TXK: variants seen among roughly 807,000 people sequenced by gnomAD.
The protein encoded by TXK is TXK tyrosine kinase.
TXK carries 60 observed loss-of-function variants against 81.0 expected under a neutral mutation model. The ratio of observed to expected loss-of-function variants is 0.74; its 90% CI spans 0.60 to 0.92. The LOEUF (loss-of-function observed/expected upper bound fraction) is 0.92, where lower values mean the gene tolerates loss of function less well. Among genes scored for constraint, TXK ranks in the 40% least tolerant of loss-of-function variants. The pLI, the probability that TXK is intolerant of heterozygous loss-of-function variation, is 0.00. For missense variants in TXK, 581 were observed against 638.3 expected (o/e 0.91, Z 0.97); for synonymous variants, 203 against 210.7 (o/e 0.96, Z 0.32).
At chr4:48,121,742 A>G (rs1297751037) in intron 1 of TXK, among the ~76,000 whole-genome samples, 1 of 151,906 alleles carries the variant, frequency 6.6e-6, no homozygotes, top group Non-Finnish European at 1.5e-5. Context: ...TTTTTTTCAA[A>G]TATTTTTGTT....
intron 5 of TXK, among the ~76,000 whole-genome samples, chr4:48,105,533 A>G (rs914762147): frequency 2.6e-5 from 4 of 152,172 alleles, no homozygotes; most frequent in African/African-American, 9.7e-5. Context: ...CAAAGCAGGG[A>G]GGATGGAAGT....
At chr4:48,125,757 G>A (rs990810696) in intron 1 of TXK, among the ~76,000 whole-genome samples, 2 of 152,246 alleles carry the variant, frequency 1.3e-5, no homozygotes, top group Non-Finnish European at 2.9e-5. Context: ...TTAAGGAACT[G>A]GCTCAGGCAG....
chr4:48,086,425 G>A (rs1385680740), intron 10 of TXK, 41 bp downstream of exon 10: 47 of 1,600,366 alleles, frequency 2.9e-5, no homozygotes, highest in East Asian at 6.7e-5. Context: ...CATGACACCA[G>A]GGCATGGTAT....
intron 8 of TXK, among the ~76,000 whole-genome samples, chr4:48,091,041 A>G (rs1013904799): frequency 6.6e-6 from 1 of 152,246 alleles, no homozygotes; most frequent in Non-Finnish European, 1.5e-5. Context: ...GATGAGTAAG[A>G]TGAGGACTCT....
Position 48,089,565 on chromosome 4 carries a change from T to A in TXK, c.784+185A>T, listed in dbSNP as rs192384468. ...ACCACCAAACCCGGCTAATTTTTTG[T>A]ATTTTTAGTAGAGACGGGGTATCAC... On this transcript the variant is annotated intron_variant, in intron 9 of 14. Coordinates refer to ENST00000264316, the MANE Select transcript of TXK (RefSeq NM_003328.3). 1.7e-4 allele frequency: 73 copies of A among 426,284 alleles called. No homozygotes were observed. In the Admixed American group the frequency reaches 2.3e-3, roughly 14 times the overall value. 26.4% of individuals were successfully genotyped at this position (426,284 alleles called of 1,614,324 possible).
At chr4:48,099,458 C>A (rs1415847160) in intron 6 of TXK, among the ~76,000 whole-genome samples, 1 of 152,050 alleles carries the variant, frequency 6.6e-6, no homozygotes, top group Non-Finnish European at 1.5e-5. Flanking sequence ...GGTTCTAGAA[C>A]AAATGGATCC....
intron 14 of TXK, among the ~76,000 whole-genome samples, chr4:48,069,848 T>C (rs1716768297): frequency 6.6e-6 from 1 of 152,204 alleles, no homozygotes; most frequent in African/African-American, 2.4e-5. Flanking sequence ...CAACATATAC[T>C]TCTGAGCTAC....
intron 13 of TXK, among the ~76,000 whole-genome samples, 178 bp downstream of exon 13, chr4:48,073,757 G>A (rs1316248989): frequency 1.3e-5 from 2 of 152,190 alleles, no homozygotes; most frequent in African/African-American, 4.8e-5. Context: ...TATGTAAGAA[G>A]GTATGTGACA....
chr4:48,073,204 G>C (rs1221219868), intron 13 of TXK, among the ~76,000 whole-genome samples: 1 of 151,462 alleles, frequency 6.6e-6, no homozygotes, highest in Non-Finnish European at 1.5e-5. Context: ...TGGAATTGTA[G>C]GCCTGAGCCA....
At chr4:48,101,502 T>A (rs928680800) in intron 6 of TXK, among the ~76,000 whole-genome samples, 7 of 152,032 alleles carry the variant, frequency 4.6e-5, no homozygotes, top group Admixed American at 3.9e-4. Context: ...ACAGGATAAA[T>A]GCTGAATAAA....
At position 48,095,335 on chromosome 4, in the gene TXK, A is replaced by G. The variant is rs558631072; in HGVS notation, c.502-113T>C. ...ACTTACCATAAATAAGTGACCTGCT[A>G]TATTATTAATATGAAGAATTAGATT... On this transcript the variant is annotated intron_variant, in intron 6 of 14. Transcript: ENST00000264316. 152 of 675,858 alleles carry G rather than the reference A, an allele frequency of 2.2e-4. 1 individual carries two copies. In the South Asian group the frequency reaches 2.8e-3, roughly 12 times the overall value. The allele number at this position is 675,858 out of a possible 1,614,324, so 41.9% of individuals were successfully genotyped here.
intron 12 of TXK, 97 bp downstream of exon 12, chr4:48,076,305 G>T: frequency 1.1e-6 from 1 of 929,494 alleles, no homozygotes; most frequent in Non-Finnish European, 1.6e-6. Context: ...TAAAAACACA[G>T]CCTGCAGCAT....
At chr4:48,128,618 T>C (rs890789742) in intron 1 of TXK, among the ~76,000 whole-genome samples, 1 of 132,928 alleles carries the variant, frequency 7.5e-6, no homozygotes, top group African/African-American at 2.9e-5. Context: ...CAGGCTGGAG[T>C]GTGGTGGCAC....
intron 8 of TXK, among the ~76,000 whole-genome samples, chr4:48,091,151 C>A (rs1427729797): frequency 6.6e-6 from 1 of 152,132 alleles, no homozygotes. Flanking sequence ...TATAGGGTGC[C>A]TTGGGATGTA....
rs114068651 is a variant in TXK, at chr4:48,076,388, T to C, written c.1238+14A>G. On this transcript the variant is annotated intron_variant, in intron 12 of 14. Transcript: ENST00000264316. ...CAAACAAACAAAATACATATATATA[T>C]ACATAGCATGTACCTTGTCATTCCA... The C allele has an allele frequency of 3.6e-4, 570 of 1,567,418 alleles. No individual in the cohort carries two copies. The African/African-American group carries it at 6.8e-3, about 19-fold the overall frequency.
intron 10 of TXK, among the ~76,000 whole-genome samples, chr4:48,081,004 G>A (rs12647931): frequency 0.09 from 13,612 of 151,850 alleles, 888 homozygotes; most frequent in East Asian, 0.35. Context: ...GTATATGAAC[G>A]ATTTTTGACT....
intron 1 of TXK, among the ~76,000 whole-genome samples, chr4:48,131,411 C>T (rs1379220036): frequency 6.6e-6 from 1 of 151,770 alleles, no homozygotes; most frequent in Non-Finnish European, 1.5e-5. Flanking sequence ...CCTCAAACTC[C>T]TCAGCTTAAG....
chr4:48,125,149 C>T (rs563535986), intron 1 of TXK, among the ~76,000 whole-genome samples: 36 of 152,342 alleles, frequency 2.4e-4, no homozygotes, highest in African/African-American at 8.4e-4. Flanking sequence ...AGAGCTTCAG[C>T]CATTTATCCA....
intron 1 of TXK, among the ~76,000 whole-genome samples, chr4:48,129,856 C>T (rs988060172): frequency 3.3e-5 from 5 of 152,116 alleles, no homozygotes; most frequent in African/African-American, 7.2e-5. Context: ...ATAATAAGCT[C>T]GCAGACATCA....
Sources: gnomAD v4.1 joint callset for allele counts (sites outside exome capture counted in the v4.1 genomes callset) on GRCh38, gnomAD v4.1.1 for gene constraint, MANE v1.5 for transcripts, NCBI Gene and HGNC (gene_info 2026-07-23, HGNC 2026-07-21) for gene names.